The following KLHL12 variants were observed in gnomAD, a reference collection of about 807,000 sequenced individuals.
The protein encoded by KLHL12 is kelch-like protein 12.
Under a neutral mutation model 60.8 loss-of-function variants are expected in KLHL12, and 17 were observed. The ratio of observed to expected loss-of-function variants is 0.28; its 90% CI spans 0.19 to 0.42. The LOEUF (loss-of-function observed/expected upper bound fraction) is 0.42, where lower values mean the gene tolerates loss of function less well. Ranked by LOEUF, KLHL12 falls within the 10% of genes least tolerant of loss-of-function variation. The pLI is 1.00. For synonymous variants in KLHL12, 220 were observed against 250.9 expected (o/e 0.88, Z 1.16); for missense variants, 468 against 722.3 (o/e 0.65, Z 4.04).
At chr1:202,897,178 T>C (rs1295040532) in intron 6 of KLHL12, among the ~76,000 whole-genome samples, 2 of 151,800 alleles carry the variant, frequency 1.3e-5, no homozygotes, top group East Asian at 3.9e-4. Context: ...TTTCTGGACA[T>C]TAAAACTCTA....
intron 3 of KLHL12, 84 bp downstream of exon 3, chr1:202,919,671 G>T: frequency 1.5e-6 from 2 of 1,314,066 alleles, no homozygotes; most frequent in Non-Finnish European, 2.1e-6. Flanking sequence ...TCTCCAAAAT[G>T]TTCATGATTA....
chr1:202,909,025 T>C lies in KLHL12; in HGVS notation c.817A>G (p.Thr273Ala), dbSNP rs1375074109. 3 of 1,613,034 alleles carry C rather than the reference T, an allele frequency of 1.9e-6. No homozygotes were observed. The highest frequency in any genetic ancestry group is 1.7e-6 in the Non-Finnish European group (2 of 1,179,190). ...ACCAGCTTACCTAGGCGAGCCCTTG[T>C]CCTGGGTCCCTGCATCTGACTCCGA... ...ELRSQMQGPR[T>A]RARLGANEVL... The change falls in exon 6 of 12, where the codon ACA becomes GCA. Residue 273 changes from threonine (T) to alanine (A), a missense_variant. Around this residue, in one of 4 missense-constraint regions of KLHL12, gnomAD observed 339 missense variants for 525.0 expected, o/e 0.65. Coordinates refer to ENST00000367261, the MANE Select transcript of KLHL12 (RefSeq NM_021633.4). This position sits in a 1 kb window ranked among gnomAD's most constrained non-coding sequence, Gnocchi z 4.1.
At chr1:202,913,942 C>T (rs191084141) in intron 4 of KLHL12, among the ~76,000 whole-genome samples, 7 of 152,288 alleles carry the variant, frequency 4.6e-5, no homozygotes, top group Admixed American at 4.6e-4. Context: ...GCAAACCAGA[C>T]ACTATAGATA....
chr1:202,894,220 A>C lies in KLHL12; in HGVS notation c.1357T>G (p.Trp453Gly), dbSNP rs1245381061. Residue 453 changes from tryptophan to glycine, a missense_variant, in exon 10 of 12, where the codon TGG becomes GGG. Trp to Gly is a radical substitution (Grantham distance 184, BLOSUM62 -2). Transcript: ENST00000367261. ...GTGGCCATTGGTGTAACATTAGTCC[A>C]ATGTCCTGTATGAGGGTCGTATTTC... ...VEKYDPHTGH[W>G]TNVTPMATKR... 1 of 1,557,710 alleles carries C rather than the reference A, an allele frequency of 6.4e-7. No homozygotes were observed. Among genetic ancestry groups the C allele is most frequent in the South Asian group, 1.2e-5 (1 of 84,552 alleles).
intron 6 of KLHL12, among the ~76,000 whole-genome samples, chr1:202,899,511 G>C (rs1371730658): frequency 6.6e-6 from 1 of 151,994 alleles, no homozygotes; most frequent in Non-Finnish European, 1.5e-5. Flanking sequence ...CCAGCAAGTA[G>C]GTCTCAGGAG....
chr1:202,895,193 A>G lies in KLHL12; in HGVS notation c.1135+329T>C, dbSNP rs1469525473. Among the ~76,000 whole-genome samples the G allele has an allele frequency of 6.6e-6, 1 of 152,120 alleles. No individual in the cohort carries two copies. The highest frequency in any genetic ancestry group is 1.5e-5 in the Non-Finnish European group (1 of 68,030). On this transcript the variant is annotated intron_variant, in intron 8 of 11. Transcript: ENST00000367261. The surrounding 1 kb of genome is among the most constrained non-coding windows in gnomAD (Gnocchi z 4.2). The stretch of plus-strand genomic sequence containing the variant: ...AATCACTTGAGCTCAGGAGTTAGAG[A>G]TCAGCCTGGGCAACATGGCGAAACC...
At chr1:202,894,404 C>T in intron 9 of KLHL12, 122 bp from the exon 10 acceptor site, 1 of 905,472 alleles carries the variant, frequency 1.1e-6, no homozygotes, top group East Asian at 2.5e-5. Flanking sequence ...GTTCCAATAA[C>T]TCTAAGAGAA....
Position 202,894,769 on chromosome 1 carries a change from TAC to T in KLHL12, c.1136-22_1136-21del. 7.5e-6 allele frequency: 12 copies of T among 1,601,448 alleles called. No homozygotes were observed. The highest frequency in any genetic ancestry group is 1.0e-5 in the Non-Finnish European group (12 of 1,168,758). On this transcript the variant is annotated intron_variant, in intron 8 of 11. Coordinates refer to ENST00000367261, the MANE Select transcript of KLHL12 (RefSeq NM_021633.4). ...TCATATCTGCTCAGAATAAACAAAT[TAC>T]AGACTATTAGAGAATGAGAGATTTC...
chr1:202,928,396 T>A, upstream of KLHL12: 1 of 748,048 alleles, frequency 1.3e-6, no homozygotes, highest in Non-Finnish European at 2.1e-6. Context: ...CCTGAGTTCC[T>A]CCCTACCGCT....
chr1:202,923,359 G>A (rs1352378054), intron 2 of KLHL12, among the ~76,000 whole-genome samples: 1 of 152,130 alleles, frequency 6.6e-6, no homozygotes, highest in Non-Finnish European at 1.5e-5. Flanking sequence ...ATGATCTTGG[G>A]TATATCTCAT....
rs1198516589 is a variant in KLHL12, at chr1:202,892,143, T to C, written c.*390A>G. On this transcript the variant is annotated 3_prime_UTR_variant, in exon 12 of 12. Transcript: ENST00000367261. ...ACTTAAACTGGTATCTTTCCAATCA[T>C]CTAGGCTGGATATTGCCCATATCTA... The C allele has an allele frequency of 6.5e-6, 1 of 154,852 alleles. No homozygotes were observed. The highest frequency in any genetic ancestry group is 6.6e-5 in the Admixed American group (1 of 15,070). The allele number at this position is 154,852 out of a possible 1,614,324, so 9.6% of individuals were successfully genotyped here.
chr1:202,893,106 T>TA lies in KLHL12; in HGVS notation c.1580+132dup. The TA allele has an allele frequency of 7.7e-6, 5 of 648,334 alleles. No individual in the cohort carries two copies. The highest frequency in any genetic ancestry group is 3.4e-5 in the Admixed American group (1 of 29,786). The allele number at this position is 648,334 out of a possible 1,614,324, so 40.2% of individuals were successfully genotyped here. A position where few individuals can be genotyped will look rare whatever the true frequency, so the allele number is the denominator to read the frequency against. ...TCTCTAAAAAATAAAAAAAATCTAA[T>TA]AAAAAAAATCAAGTTGCCACTGGAG... On this transcript the variant is annotated intron_variant, in intron 11 of 11. Transcript: ENST00000367261. This position sits in a 1 kb window ranked among gnomAD's most constrained non-coding sequence, Gnocchi z 4.1.
intron 6 of KLHL12, among the ~76,000 whole-genome samples, chr1:202,905,968 CTTT>C (rs71142574): frequency 9.3e-4 from 48 of 51,670 alleles, no homozygotes; most frequent in South Asian, 1.3e-3. Flanking sequence ...CCACACCTGG[CTTT>C]TTTTTTTTTT....
At chr1:202,917,660 T>C (rs1384130001) in intron 4 of KLHL12, among the ~76,000 whole-genome samples, 1 of 152,212 alleles carries the variant, frequency 6.6e-6, no homozygotes, top group Non-Finnish European at 1.5e-5. Flanking sequence ...AAAGGTTTAT[T>C]CTTCTTTCTT....
intron 2 of KLHL12, among the ~76,000 whole-genome samples, chr1:202,923,663 C>T (rs1449442947): frequency 1.3e-5 from 2 of 152,086 alleles, no homozygotes; most frequent in East Asian, 3.8e-4. Flanking sequence ...GGACTTTGGG[C>T]AAGTGATTTA....
chr1:202,919,704 C>A (rs781041653), intron 3 of KLHL12, 51 bp downstream of exon 3: 5 of 1,530,078 alleles, frequency 3.3e-6, no homozygotes, highest in South Asian at 1.2e-5. Flanking sequence ...TAATTTTCAA[C>A]CTTTCCAGGG....
chr1:202,928,274 CAA>C (rs368999167), upstream of KLHL12, among the ~76,000 whole-genome samples: 4 of 123,866 alleles, frequency 3.2e-5, no homozygotes, highest in Admixed American at 8.3e-5. Flanking sequence ...GACTCCGTCT[CAA>C]AAAAAAAAAA....
At chr1:202,894,542 C>T (rs2102406026) in intron 9 of KLHL12, 49 bp downstream of exon 9, 1 of 1,585,706 alleles carries the variant, frequency 6.3e-7, no homozygotes. Flanking sequence ...TTACCCACAG[C>T]CCATTACCCA....
At chr1:202,902,386 C>T (rs1477352885) in intron 6 of KLHL12, among the ~76,000 whole-genome samples, 1 of 151,624 alleles carries the variant, frequency 6.6e-6, no homozygotes, top group Non-Finnish European at 1.5e-5. Context: ...GCCGAGATCA[C>T]ACCATTGCCC....
Sources: allele counts gnomAD v4.1 joint callset (sites outside exome capture counted in the v4.1 genomes callset), GRCh38; gene constraint gnomAD v4.1.1; regional missense constraint gnomAD v4.1.1; non-coding constraint Gnocchi (gnomAD v3.1); transcripts MANE v1.5; gene names NCBI Gene and HGNC (gene_info 2026-07-23, HGNC 2026-07-21).